Variants in GUF1 observed in about 807,000 individuals in gnomAD.
The protein encoded by GUF1 is translation factor GUF1, mitochondrial.
A neutral mutation model predicts 82.4 loss-of-function variants in GUF1; 78 were observed. The ratio of observed to expected loss-of-function variants is 0.95; its 90% CI spans 0.79 to 1.14. GUF1 has a LOEUF of 1.14. GUF1 is among the 50% of genes most tolerant of loss of function. GUF1 has a pLI of 0.00. For synonymous variants in GUF1, 279 were observed against 282.3 expected, an observed-to-expected ratio of 0.99 and a Z score of 0.12; for missense variants, 814 against 798.2, an observed-to-expected ratio of 1.02 and a Z score of -0.24.
chr4:44,689,009 GT>G (rs33967370), intron 9 of GUF1, among the ~76,000 whole-genome samples: 80,858 of 148,230 alleles, frequency 0.55, 22,690 homozygotes, highest in Non-Finnish European at 0.64. Context: ...TAATTCCCAT[GT>G]TTTTTTTTTT....
At position 44,698,607 on chromosome 4, in the gene GUF1, C is replaced by G; in HGVS notation, c.1936C>G (p.Leu646Val). The G allele has an allele frequency of 6.2e-7, 1 of 1,609,718 alleles. No homozygotes were observed. Among genetic ancestry groups the G allele is most frequent in the Non-Finnish European group, 8.5e-7 (1 of 1,178,184 alleles). Residue 646 changes from leucine (L) to valine (V), a missense_variant, in exon 17 of 17, where the codon CTG (leucine) becomes GTG (valine). Transcript: ENST00000281543. The stretch of plus-strand genomic sequence containing the variant: ...GAGACAAGCAGAAGGGAAAAAAAAG[C>G]TGAGGAAAATTGGCAACGTTGAAGT... ...LKRQAEGKKK[L>V]RKIGNVEVPK...
rs191124276 is a variant in GUF1 at position 44,679,155 on chromosome 4, T to C, written c.165+368T>C. 7.9e-5 allele frequency among the ~76,000 whole-genome samples: 12 copies of C among 152,352 alleles called. No individual in the cohort carries two copies. The East Asian group carries it at 1.9e-3, about 25-fold the overall frequency. ...CATTTTCCTGCAAATTAAGTAGCTATGTGGCCTGGGCAAGTTACTACATTG... is the reference window on the plus strand; with the variant it reads ...CATTTTCCTGCAAATTAAGTAGCTACGTGGCCTGGGCAAGTTACTACATTG... On this transcript the variant is annotated intron_variant, in intron 1 of 16. Coordinates refer to ENST00000281543, the MANE Select transcript of GUF1 (RefSeq NM_021927.3).
In GUF1 at chr4:44,691,676, C is replaced by T. The variant is rs967198540; in HGVS notation, c.1490C>T (p.Ala497Val). 2.5e-6 allele frequency: 4 copies of T among 1,585,584 alleles called. No individual in the cohort carries two copies. Among genetic ancestry groups the T allele is most frequent in the Non-Finnish European group, 3.4e-6 (4 of 1,164,650 alleles). ...TCCTTCCCTTTTTAGGCTCGAAGAG[C>T]AGTTCAGAAGAATATGATATTTATT... is the stretch of plus-strand genomic sequence containing the variant. ...KIMMLCEARR[A>V]VQKNMIFIDQ... The change falls in exon 13 of 17, where the codon GCA becomes GTA. Residue 497 changes from alanine to valine, a missense_variant. Physicochemically the swap from Ala to Val is moderately conservative, Grantham distance 64. Coordinates refer to ENST00000281543, the MANE Select transcript of GUF1 (RefSeq NM_021927.3).
At position 44,698,513 on chromosome 4, in the gene GUF1, T is replaced by G. The variant is rs368183853; in HGVS notation, c.1873-31T>G. ...ATGATTGTTTCTCTTTAGAGTGACT[T>G]AGACTTCCAATGTTTTAAAATATTT... On this transcript the variant is annotated intron_variant, in intron 16 of 16. Coordinates refer to ENST00000281543, the MANE Select transcript of GUF1 (RefSeq NM_021927.3). The G allele has an allele frequency of 2.3e-5, 35 of 1,549,626 alleles. No homozygotes were observed. In the African/African-American group the frequency reaches 4.7e-4, roughly 21 times the overall value.
At chr4:44,695,094 G>A (rs754979756) in intron 14 of GUF1, among the ~76,000 whole-genome samples, 86 of 152,092 alleles carry the variant, frequency 5.7e-4, no homozygotes, top group Non-Finnish European at 1.1e-3. Context: ...GTAAGCCACC[G>A]CGCCCTTTTA....
Position 44,687,636 on chromosome 4 carries a change from G to A in GUF1, c.939-371G>A, listed in dbSNP as rs535613502. On this transcript the variant is annotated intron_variant, in intron 8 of 16. Coordinates refer to ENST00000281543, the MANE Select transcript of GUF1 (RefSeq NM_021927.3). ...ATAAAAATTTACCTTTTTTTCCTTT[G>A]TTAAAGAACATTTTCAACACAATTC... Among the ~76,000 whole-genome samples the A allele has an allele frequency of 1.3e-3, 204 of 151,122 alleles. 1 individual carries two copies. The highest frequency in any genetic ancestry group is 4.4e-3 in the African/African-American group (182 of 41,262).
At chr4:44,683,886 A>G (rs1714908079) in intron 6 of GUF1, among the ~76,000 whole-genome samples, 1 of 152,134 alleles carries the variant, frequency 6.6e-6, no homozygotes, top group African/African-American at 2.4e-5. Context: ...ATGGTAGTGT[A>G]AAGTATGTCA....
Position 44,697,420 on chromosome 4 carries a change from TAGGAAAAACGTTTTGGCAA to T in GUF1, c.1850_1868del (p.Arg617AsnfsTer11), listed in dbSNP as rs1715898996. The T allele has an allele frequency of 6.4e-7, 1 of 1,562,722 alleles. No individual in the cohort carries two copies. Among genetic ancestry groups the T allele is most frequent in the Admixed American group, 1.8e-5 (1 of 56,302 alleles). On this transcript the variant is annotated frameshift_variant, in exon 16 of 17. Transcript: ENST00000281543. LOFTEE classifies it high-confidence loss of function. Reference sequence around the variant, plus strand: ...TTCTCTTTTACAGTGTGAAAGCCTATAGGAAAAACGTTTTGGCAAAATGTGTATGTATCTAGTTGTATTT... The same window carrying T: ...TTCTCTTTTACAGTGTGAAAGCCTATAATGTGTATGTATCTAGTTGTATTT...
intron 10 of GUF1, among the ~76,000 whole-genome samples, 153 bp from the exon 11 acceptor site, chr4:44,689,690 T>G (rs536321164): frequency 5.0e-4 from 76 of 151,888 alleles, no homozygotes; most frequent in Non-Finnish European, 9.3e-4. Flanking sequence ...TTAATCTTAT[T>G]TAATAAAATT....
Position 44,682,403 on chromosome 4 carries a change from A to G in GUF1, c.577A>G (p.Ile193Val). Residue 193 changes from isoleucine to valine, a missense_variant, in exon 5 of 17, where the codon ATA (isoleucine) becomes GTA (valine). Transcript: ENST00000281543. ...AGCACAGCTATCGGTAATTCCAGTT[A>G]TAAATAAGGTAATTACAATGAGACA... ...FEAQLSVIPVINKIDLKNADP... is the reference protein window; with the variant it reads ...FEAQLSVIPVVNKIDLKNADP... 8 of 1,507,608 alleles carry G rather than the reference A, an allele frequency of 5.3e-6. No homozygotes were observed. The highest frequency in any genetic ancestry group is 7.1e-6 in the Non-Finnish European group (8 of 1,126,034). 93.4% of individuals were successfully genotyped at this position (1,507,608 alleles called of 1,614,324 possible). A position where few individuals can be genotyped will look rare whatever the true frequency, so the allele number is the denominator to read the frequency against.
intron 14 of GUF1, among the ~76,000 whole-genome samples, chr4:44,694,825 T>C (rs1312243831): frequency 1.3e-5 from 2 of 151,984 alleles, no homozygotes; most frequent in East Asian, 1.9e-4. Flanking sequence ...GTTTTTTTTT[T>C]AGATGGGAGT....
chr4:44,678,680 A>C lies in GUF1; in HGVS notation c.58A>C (p.Thr20Pro). ...CGCACGCGCTCTCGCGCCACGAGCC[A>C]CTGGGGCCGCGCTTCTGGTGGCCCC... ...GCARALAPRA[T>P]GAALLVAPGP... Residue 20 changes from threonine (T) to proline (P), a missense_variant, in exon 1 of 17, where the codon ACT becomes CCT. Transcript: ENST00000281543. 3.3e-6 allele frequency: 5 copies of C among 1,501,102 alleles called. No homozygotes were observed. Among genetic ancestry groups the C allele is most frequent in the South Asian group, 2.8e-5 (2 of 71,982 alleles). 93.0% of individuals were successfully genotyped at this position (1,501,102 alleles called of 1,614,324 possible). A position where few individuals can be genotyped will look rare whatever the true frequency, so the allele number is the denominator to read the frequency against.
intron 1 of GUF1, among the ~76,000 whole-genome samples, chr4:44,679,434 G>C (rs1299326534): frequency 6.6e-6 from 1 of 152,192 alleles, no homozygotes; most frequent in Non-Finnish European, 1.5e-5. Flanking sequence ...AGTCAGAAAA[G>C]TGAAGTGACT....
chr4:44,682,464 A>G, intron 5 of GUF1, 53 bp downstream of exon 5: 8 of 899,078 alleles, frequency 8.9e-6, no homozygotes, highest in Non-Finnish European at 1.3e-5. Flanking sequence ...AAGTACAATT[A>G]ATGTTTAAAT....
At position 44,682,414 on chromosome 4, in the gene GUF1, A is replaced by C; in HGVS notation, c.585+3A>C. On this transcript the variant is annotated splice_donor_region_variant and intron_variant, in intron 5 of 16. Transcript: ENST00000281543. ...CGGTAATTCCAGTTATAAATAAGGT[A>C]ATTACAATGAGACAACAGTGTTGCT... 1 of 1,468,908 alleles carries C rather than the reference A, an allele frequency of 6.8e-7. No homozygotes were observed. Among genetic ancestry groups the C allele is most frequent in the Non-Finnish European group, 9.1e-7 (1 of 1,093,978 alleles). The allele number at this position is 1,468,908 out of a possible 1,614,324, so 91.0% of individuals were successfully genotyped here. A position where few individuals can be genotyped will look rare whatever the true frequency, so the allele number is the denominator to read the frequency against.
intron 11 of GUF1, 45 bp from the exon 12 acceptor site, chr4:44,690,672 C>T (rs1286473523): frequency 3.5e-6 from 4 of 1,126,884 alleles, no homozygotes; most frequent in Middle Eastern, 2.9e-4. Context: ...AAATGATAAT[C>T]ATTATATTAA....
In GUF1 at chr4:44,686,595, G is replaced by A. The variant is rs748247343; in HGVS notation, c.820G>A (p.Ala274Thr). The A allele has an allele frequency of 6.2e-7, 1 of 1,612,256 alleles. No individual in the cohort carries two copies. The highest frequency in any genetic ancestry group is 8.5e-7 in the Non-Finnish European group (1 of 1,178,656). ...GTATAGAGGTGTGATAGCCAATGTAGCATTATTTGACGGAGTGGTTTCCAA... is the reference window on the plus strand; with the variant it reads ...GTATAGAGGTGTGATAGCCAATGTAACATTATTTGACGGAGTGGTTTCCAA... ...DQYRGVIANV[A>T]LFDGVVSKGD... The change falls in exon 8 of 17, where the codon GCA (alanine) becomes ACA (threonine). Residue 274 changes from alanine to threonine, a missense_variant. By Grantham distance (58) the Ala-to-Thr change is moderately conservative. Coordinates refer to ENST00000281543, the MANE Select transcript of GUF1 (RefSeq NM_021927.3).
At chr4:44,683,105 T>A (rs963917265) in intron 5 of GUF1, 130 bp from the exon 6 acceptor site, 17 of 527,982 alleles carry the variant, frequency 3.2e-5, no homozygotes, top group Non-Finnish European at 4.6e-5. Flanking sequence ...ATTTTACTGC[T>A]TTTGAAAAAA....
At chr4:44,692,654 A>G (rs567350229) in intron 13 of GUF1, among the ~76,000 whole-genome samples, 8 of 152,042 alleles carry the variant, frequency 5.3e-5, no homozygotes, top group African/African-American at 1.4e-4. Context: ...TTATTTAATC[A>G]TCTTGTCAGT....
Sources: allele counts gnomAD v4.1 joint callset (sites outside exome capture counted in the v4.1 genomes callset), GRCh38; gene constraint gnomAD v4.1.1; transcripts MANE v1.5; gene names NCBI Gene and HGNC (gene_info 2026-07-23, HGNC 2026-07-21).